CHODL: variants seen among roughly 807,000 people sequenced by gnomAD.
CHODL encodes chondrolectin, also known as transmembrane protein MT75.
In CHODL, 29 loss-of-function variants were observed where a neutral mutation model predicts 34.5. The observed-to-expected ratio is 0.84, with a 90% CI of 0.63 to 1.15. The LOEUF is 1.15. Ranked by LOEUF, CHODL falls within the 50% of genes most tolerant of loss-of-function variation. The pLI, the probability that CHODL is intolerant of heterozygous loss-of-function variation, is 0.00. For missense variants in CHODL, 332 were observed against 332.5 expected, an observed-to-expected ratio of 1.00 and a Z score of 0.01; for synonymous variants, 125 against 116.1, an observed-to-expected ratio of 1.08 and a Z score of -0.49.
chr21:18,246,456 G>A (rs2074142796), intron 1 of CHODL, among the ~76,000 whole-genome samples: 2 of 152,190 alleles, frequency 1.3e-5, no homozygotes, highest in Admixed American at 1.3e-4. Context: ...CTTCCCCTTA[G>A]CAATTTGTGA....
chr21:18,157,444 G>A (rs182452720), intron 2 of CHODL, among the ~76,000 whole-genome samples: 2 of 152,270 alleles, frequency 1.3e-5, no homozygotes, highest in Non-Finnish European at 1.5e-5. Context: ...ATTGAAAAGT[G>A]CAATGACACT....
At chr21:18,117,193 C>G (rs149348502) in intron 2 of CHODL, among the ~76,000 whole-genome samples, 1 of 152,360 alleles carries the variant, frequency 6.6e-6, no homozygotes, top group African/African-American at 2.4e-5. Context: ...AACTTCCCAA[C>G]CTGTGGCAAG....
chr21:17,988,402 T>TTTTTTTA, intron 1 of CHODL, among the ~76,000 whole-genome samples: 1 of 140,136 alleles, frequency 7.1e-6, no homozygotes, highest in Non-Finnish European at 1.5e-5. Context: ...TTCCTTTTTT[T>TTTTTTTA]TTATTATTAT....
At chr21:18,057,141 G>T (rs1038893084) in intron 2 of CHODL, among the ~76,000 whole-genome samples, 1 of 152,008 alleles carries the variant, frequency 6.6e-6, no homozygotes, top group Non-Finnish European at 1.5e-5. Context: ...CATCCTTGAG[G>T]GTAAGATCCT....
rs572052693 is a variant in CHODL, at chr21:18,033,487, T to C, written c.-45+5516T>C. 1.2e-3 allele frequency among the ~76,000 whole-genome samples: 186 copies of C among 152,154 alleles called. 1 individual carries two copies. Among genetic ancestry groups the C allele is most frequent in the African/African-American group, 4.4e-3 (182 of 41,534 alleles). ...ATAGCATCCTGCCACAAAATAATAT[T>C]GCAACTTTAATTAATATCAATGTTT... On this transcript the variant is annotated intron_variant, in intron 2 of 6. Coordinates refer to the CHODL transcript ENST00000400127.
At chr21:18,042,181 AT>A (rs1327791635) in intron 2 of CHODL, among the ~76,000 whole-genome samples, 1 of 151,916 alleles carries the variant, frequency 6.6e-6, no homozygotes, top group Non-Finnish European at 1.5e-5. Context: ...AAAATTTTTA[AT>A]TTTAATATTT....
chr21:18,232,913 A>G (rs867331914), intron 2 of CHODL, among the ~76,000 whole-genome samples: 63 of 141,102 alleles, frequency 4.5e-4, no homozygotes, highest in African/African-American at 1.6e-3. Flanking sequence ...ATAATGGTCC[A>G]TATAATTATG....
chr21:18,077,172 T>C (rs1352638714), intron 2 of CHODL, among the ~76,000 whole-genome samples: 8 of 152,164 alleles, frequency 5.3e-5, no homozygotes, highest in Admixed American at 5.2e-4. Context: ...TTGGGATCTG[T>C]CACTCATTTC....
chr21:18,247,414 ACACT>A (rs1193761195), intron 1 of CHODL, among the ~76,000 whole-genome samples: 6 of 152,162 alleles, frequency 3.9e-5, no homozygotes, highest in African/African-American at 1.2e-4. Context: ...AGAAAAATAG[ACACT>A]CACAAAATAA....
chr21:18,078,127 A>G (rs773721338), intron 2 of CHODL, among the ~76,000 whole-genome samples: 1 of 152,138 alleles, frequency 6.6e-6, no homozygotes, highest in Non-Finnish European at 1.5e-5. Flanking sequence ...ACGGTGTATT[A>G]GTCTGTTCTC....
At chr21:17,972,826 T>G (rs756032196) in intron 1 of CHODL, among the ~76,000 whole-genome samples, 1 of 152,082 alleles carries the variant, frequency 6.6e-6, no homozygotes, top group Admixed American at 6.5e-5. Context: ...AAAGAGCCCA[T>G]ATAGCCAAGA....
At chr21:18,027,532 T>TAATG (rs1456158210) in intron 1 of CHODL, among the ~76,000 whole-genome samples, 3 of 152,142 alleles carry the variant, frequency 2.0e-5, no homozygotes, top group South Asian at 4.1e-4. Flanking sequence ...TTAACGTAGG[T>TAATG]AATGAGCATT....
At chr21:18,047,890 A>T (rs1465529339) in intron 2 of CHODL, among the ~76,000 whole-genome samples, 1 of 151,988 alleles carries the variant, frequency 6.6e-6, no homozygotes, top group Non-Finnish European at 1.5e-5. Flanking sequence ...GGTGAGGACA[A>T]GAGGCCATTT....
rs147385043 is a variant in CHODL at position 18,267,101 on chromosome 21, C to A, written c.*1063C>A. On this transcript the variant is annotated 3_prime_UTR_variant, in exon 6 of 6. Transcript: ENST00000299295. The stretch of plus-strand genomic sequence containing the variant: ...GTGGTTGAGACCAGGTGAATAGTCA[C>A]TATCAGTGTGGAGACAAGCACAGCA... The A allele has an allele frequency of 6.6e-6, 1 of 152,200 alleles. No individual in the cohort carries two copies. Among genetic ancestry groups the A allele is most frequent in the Non-Finnish European group, 1.5e-5 (1 of 68,048 alleles). 9.4% of individuals were successfully genotyped at this position (152,200 alleles called of 1,614,324 possible). A position where few individuals can be genotyped will look rare whatever the true frequency, so the allele number is the denominator to read the frequency against.
At chr21:18,154,537 C>G (rs1439448827) in intron 2 of CHODL, among the ~76,000 whole-genome samples, 1 of 152,012 alleles carries the variant, frequency 6.6e-6, no homozygotes, top group Non-Finnish European at 1.5e-5. Flanking sequence ...ATTCAAAAGC[C>G]CCCAGATACA....
intron 2 of CHODL, among the ~76,000 whole-genome samples, chr21:18,137,250 T>A (rs941497231): frequency 1.3e-5 from 2 of 152,214 alleles, no homozygotes; most frequent in Admixed American, 1.3e-4. Flanking sequence ...CACCTTCCTA[T>A]CATTGCTCCT....
At chr21:17,962,740 G>A (rs2063540602) in intron 1 of CHODL, among the ~76,000 whole-genome samples, 1 of 152,106 alleles carries the variant, frequency 6.6e-6, no homozygotes, top group Non-Finnish European at 1.5e-5. Context: ...ATAGTGAATG[G>A]TTAATACATC....
chr21:17,953,242 A>G (rs949894980), intron 1 of CHODL, among the ~76,000 whole-genome samples: 1 of 152,240 alleles, frequency 6.6e-6, no homozygotes, highest in Admixed American at 6.5e-5. Flanking sequence ...GCAGACTGTA[A>G]TAAGTTAAGG....
chr21:17,954,121 G>A (rs1167328166), intron 1 of CHODL, among the ~76,000 whole-genome samples: 3 of 152,182 alleles, frequency 2.0e-5, no homozygotes, highest in African/African-American at 7.2e-5. Flanking sequence ...AAAAATTTGT[G>A]TTGTGGCCAT....
Sources: gnomAD v4.1 joint callset for allele counts (sites outside exome capture counted in the v4.1 genomes callset) on GRCh38, gnomAD v4.1.1 for gene constraint, MANE v1.5 for transcripts, NCBI Gene and HGNC (gene_info 2026-07-23, HGNC 2026-07-21) for gene names.